The following PAFAH1B2 variants were observed in gnomAD, a reference collection of about 807,000 sequenced individuals.
The protein encoded by PAFAH1B2 is platelet activating factor acetylhydrolase 1b catalytic subunit 2, also known as platelet-activating factor acetylhydrolase IB subunit alpha2.
In PAFAH1B2, 8 loss-of-function variants were observed where a neutral mutation model predicts 28.0. The ratio of observed to expected loss-of-function variants is 0.29; its 90% CI spans 0.17 to 0.52. The LOEUF is 0.52. Ranked by LOEUF, PAFAH1B2 falls within the 20% of genes least tolerant of loss-of-function variation. PAFAH1B2 has a pLI of 0.97. For synonymous variants in PAFAH1B2, 104 were observed against 103.2 expected (o/e 1.01, Z -0.05); for missense variants, 190 against 282.6 (o/e 0.67, Z 2.35).
chr11:117,171,826 C>G (rs1320601348), downstream of PAFAH1B2: 8 of 1,104,116 alleles, frequency 7.2e-6, no homozygotes, highest in African/African-American at 1.6e-5. Context: ...TATCACTGTT[C>G]ACCTCAGTGG....
At position 117,170,280 on chromosome 11, in the gene PAFAH1B2, A is replaced by C; in HGVS notation, c.*2581A>C. ...ATTGTGATTAAGGGGCCAACTTTCC[A>C]GGCAGCTAGCAGAGATACTATTCTC... is the stretch of plus-strand genomic sequence containing the variant. On this transcript the variant is annotated 3_prime_UTR_variant, in exon 6 of 6. Coordinates refer to ENST00000527958, the MANE Select transcript of PAFAH1B2 (RefSeq NM_002572.4). 9.4e-7 allele frequency: 1 copy of C among 1,062,388 alleles called. No individual in the cohort carries two copies. The highest frequency in any genetic ancestry group is 1.1e-6 in the Non-Finnish European group (1 of 877,808). The allele number at this position is 1,062,388 out of a possible 1,614,324, so 65.8% of individuals were successfully genotyped here.
intron 1 of PAFAH1B2, among the ~76,000 whole-genome samples, chr11:117,151,039 A>G (rs1474066856): frequency 6.6e-6 from 1 of 151,342 alleles, no homozygotes; most frequent in African/African-American, 2.4e-5. Flanking sequence ...GCAAAACCCC[A>G]GATTTTTTTC....
At chr11:117,158,458 C>T (rs996628858) in intron 2 of PAFAH1B2, among the ~76,000 whole-genome samples, 11 of 152,080 alleles carry the variant, frequency 7.2e-5, no homozygotes, top group Non-Finnish European at 1.2e-4. Context: ...CCTAGTTTGC[C>T]GGTGTCTCAC....
intron 1 of PAFAH1B2, among the ~76,000 whole-genome samples, chr11:117,144,829 C>T (rs1163484113): frequency 6.6e-6 from 1 of 152,040 alleles, no homozygotes; most frequent in Admixed American, 6.5e-5. Flanking sequence ...CGCTGCAGCT[C>T]CTGCCCGGGT....
chr11:117,145,618 A>G (rs1201132406), intron 1 of PAFAH1B2, among the ~76,000 whole-genome samples: 1 of 152,174 alleles, frequency 6.6e-6, no homozygotes, highest in East Asian at 1.9e-4. Context: ...GCATTTGATC[A>G]TAAATTATGG....
intron 5 of PAFAH1B2, among the ~76,000 whole-genome samples, chr11:117,165,783 G>A (rs984742668): frequency 6.6e-6 from 1 of 151,922 alleles, no homozygotes; most frequent in African/African-American, 2.4e-5. Context: ...GCTGCATAAA[G>A]TTTGAGCCTG....
chr11:117,169,729 T>C lies in PAFAH1B2; in HGVS notation c.*2030T>C, dbSNP rs1434877519. 9.4e-7 allele frequency: 1 copy of C among 1,058,242 alleles called. No homozygotes were observed. Among genetic ancestry groups the C allele is most frequent in the African/African-American group, 1.6e-5 (1 of 60,652 alleles). 65.6% of individuals were successfully genotyped at this position (1,058,242 alleles called of 1,614,324 possible). A position where few individuals can be genotyped will look rare whatever the true frequency, so the allele number is the denominator to read the frequency against. On this transcript the variant is annotated 3_prime_UTR_variant, in exon 6 of 6. Coordinates refer to ENST00000527958, the MANE Select transcript of PAFAH1B2 (RefSeq NM_002572.4). ...TATTTTTAGTAGCCCAGGTTGAGTT[T>C]TTCACAAGAGATTTTTTTCTTAGCT...
rs1956595053 is a variant in PAFAH1B2 at position 117,169,420 on chromosome 11, C to T, written c.*1721C>T. 6.7e-6 allele frequency: 7 copies of T among 1,052,540 alleles called. No individual in the cohort carries two copies. The highest frequency in any genetic ancestry group is 5.4e-5 in the East Asian group (1 of 18,514). The allele number at this position is 1,052,540 out of a possible 1,614,324, so 65.2% of individuals were successfully genotyped here. A position where few individuals can be genotyped will look rare whatever the true frequency, so the allele number is the denominator to read the frequency against. On this transcript the variant is annotated 3_prime_UTR_variant, in exon 6 of 6. Transcript: ENST00000527958. ...AAGTAACCCATCAAAATATGCTCTGCAGTGATTCCGCTTAATGTTTAAATT... is the reference window on the plus strand; with the variant it reads ...AAGTAACCCATCAAAATATGCTCTGTAGTGATTCCGCTTAATGTTTAAATT...
rs150627380 is a variant in PAFAH1B2 at position 117,170,626 on chromosome 11, TAAAAAAAAA to T, written c.*2940_*2948del. On this transcript the variant is annotated 3_prime_UTR_variant, in exon 6 of 6. Coordinates refer to ENST00000527958, the MANE Select transcript of PAFAH1B2 (RefSeq NM_002572.4). Reference sequence around the variant, plus strand: ...CCGGCTCTTAGGAATTTTGTCTGTTTAAAAAAAAAAAAAAAAAAAAAGTCCAACTTACTT... The same window carrying T: ...CCGGCTCTTAGGAATTTTGTCTGTTTAAAAAAAAAAAAGTCCAACTTACTT... The T allele has an allele frequency of 2.4e-5, 23 of 948,914 alleles. No individual in the cohort carries two copies. Among genetic ancestry groups the T allele is most frequent in the African/African-American group, 7.9e-5 (4 of 50,380 alleles). 58.8% of individuals were successfully genotyped at this position (948,914 alleles called of 1,614,324 possible). A position where few individuals can be genotyped will look rare whatever the true frequency, so the allele number is the denominator to read the frequency against.
chr11:117,154,119 GAAA>G (rs75350667), intron 2 of PAFAH1B2, among the ~76,000 whole-genome samples: 1 of 150,816 alleles, frequency 6.6e-6, no homozygotes, highest in Non-Finnish European at 1.5e-5. Flanking sequence ...ATCTCAAAAA[GAAA>G]AAAAAGAAGT....
chr11:117,145,868 C>T (rs1455947677), intron 1 of PAFAH1B2, among the ~76,000 whole-genome samples: 1 of 152,130 alleles, frequency 6.6e-6, no homozygotes, highest in South Asian at 2.1e-4. Context: ...TGTTGTTGGA[C>T]GTGGTTTCTC....
Position 117,165,349 on chromosome 11 carries a change from C to CA in PAFAH1B2, c.411+1473dup, listed in dbSNP as rs35084965. Among the ~76,000 whole-genome samples, 115 of 135,558 alleles carry CA rather than the reference C, an allele frequency of 8.5e-4. 1 individual carries two copies. In the South Asian group the frequency reaches 9.9e-3, roughly 12 times the overall value. The allele number at this position is 135,558 out of a possible 152,430, so 88.9% of individuals were successfully genotyped here. ...TGGGCAACAGAGCAAAACTCGGTCTCAAAAAAAAAAAAAAAATGTCTAGCT... is the reference window on the plus strand; with the variant it reads ...TGGGCAACAGAGCAAAACTCGGTCTCAAAAAAAAAAAAAAAAATGTCTAGCT... On this transcript the variant is annotated intron_variant, in intron 5 of 5. Coordinates refer to ENST00000527958, the MANE Select transcript of PAFAH1B2 (RefSeq NM_002572.4).
chr11:117,162,126 C>T (rs1003444303), intron 4 of PAFAH1B2, among the ~76,000 whole-genome samples: 14 of 152,094 alleles, frequency 9.2e-5, no homozygotes, highest in African/African-American at 3.1e-4. Flanking sequence ...CCTGACAAAA[C>T]GTGCTTTCAT....
intron 1 of PAFAH1B2, among the ~76,000 whole-genome samples, chr11:117,150,387 C>T (rs1341107286): frequency 2.6e-5 from 4 of 151,478 alleles, no homozygotes; most frequent in African/African-American, 4.8e-5. Flanking sequence ...TGACCTCAAG[C>T]GATCCACCTG....
At chr11:117,148,262 A>C (rs979433657) in intron 1 of PAFAH1B2, among the ~76,000 whole-genome samples, 1 of 152,044 alleles carries the variant, frequency 6.6e-6, no homozygotes, top group African/African-American at 2.4e-5. Flanking sequence ...CATGTTGGCC[A>C]GGCTGGTCTC....
At chr11:117,158,682 T>G (rs1188888094) in intron 2 of PAFAH1B2, among the ~76,000 whole-genome samples, 1 of 144,958 alleles carries the variant, frequency 6.9e-6, no homozygotes, top group Admixed American at 7.2e-5. Context: ...TTCGCTCTTG[T>G]CGCCTAGGCT....
intron 4 of PAFAH1B2, among the ~76,000 whole-genome samples, chr11:117,162,011 T>C (rs972754129): frequency 6.6e-6 from 1 of 152,162 alleles, no homozygotes; most frequent in Non-Finnish European, 1.5e-5. Context: ...TAGAAGCAGA[T>C]GTGAACAAAT....
chr11:117,144,294 C>T lies in PAFAH1B2; in HGVS notation c.-132C>T, dbSNP rs574989937. On this transcript the variant is annotated 5_prime_UTR_variant, in exon 1 of 6. Coordinates refer to ENST00000527958, the MANE Select transcript of PAFAH1B2 (RefSeq NM_002572.4). ...GGCAGGGGAACCGGAAGTGGAGGAG[C>T]TGCTGCTGGTGCTGGGGCCGGAGGA... 4.5e-4 allele frequency: 171 copies of T among 378,404 alleles called. 1 individual carries two copies. The Middle Eastern group carries it at 6.2e-3, about 14-fold the overall frequency. The allele number at this position is 378,404 out of a possible 1,614,324, so 23.4% of individuals were successfully genotyped here.
downstream of PAFAH1B2, chr11:117,171,106 GT>G: frequency 1.0e-6 from 1 of 989,768 alleles, no homozygotes; most frequent in Non-Finnish European, 1.2e-6. Flanking sequence ...AAAAGGGATG[GT>G]TTTTCCCTGC....
Sources: allele counts gnomAD v4.1 joint callset (sites outside exome capture counted in the v4.1 genomes callset), GRCh38; gene constraint gnomAD v4.1.1; transcripts MANE v1.5; gene names NCBI Gene and HGNC (gene_info 2026-07-23, HGNC 2026-07-21).